Variants in ATG7 observed in about 807,000 individuals in gnomAD.
ATG7 encodes ubiquitin-like modifier-activating enzyme ATG7.
ATG7 carries 70 observed loss-of-function variants against 82.4 expected under a neutral mutation model. The observed-to-expected ratio is 0.85, with a 90% CI of 0.70 to 1.04. ATG7 has a LOEUF of 1.04. Ranked by LOEUF, ATG7 falls within the 50% of genes least tolerant of loss-of-function variation. ATG7 has a pLI of 0.00. For synonymous variants in ATG7, 287 were observed against 313.0 expected, an observed-to-expected ratio of 0.92 and a Z score of 0.88; for missense variants, 792 against 864.3, an observed-to-expected ratio of 0.92 and a Z score of 1.05.
chr3:11,475,624 C>G (rs1053483109), intron 20 of ATG7, among the ~76,000 whole-genome samples: 1 of 152,126 alleles, frequency 6.6e-6, no homozygotes, highest in African/African-American at 2.4e-5. Context: ...AGCAGGTGAT[C>G]AGGTAGACCT....
At chr3:11,462,735 C>A (rs1025238024) in intron 20 of ATG7, among the ~76,000 whole-genome samples, 27 of 151,834 alleles carry the variant, frequency 1.8e-4, no homozygotes, top group Admixed American at 7.9e-4. Context: ...CCTCTCGCCA[C>A]CCCCCCAGGG....
At chr3:11,527,059 GTGTGTGTGTGTGTATATA>G (rs1180820806) in intron 20 of ATG7, among the ~76,000 whole-genome samples, 6 of 106,648 alleles carry the variant, frequency 5.6e-5, no homozygotes, top group South Asian at 3.1e-4. Flanking sequence ...GTGTGTGTGT[GTGTGTGTGTGTGTATATA>G]TATATATATA....
chr3:11,469,010 C>T (rs938186564), intron 20 of ATG7, among the ~76,000 whole-genome samples: 11 of 152,206 alleles, frequency 7.2e-5, no homozygotes, highest in African/African-American at 2.7e-4. Context: ...CATGATGGCT[C>T]TCTCATCTCT....
At chr3:11,471,745 C>CTTTTTTTTT (rs200590021) in intron 20 of ATG7, among the ~76,000 whole-genome samples, 32 of 105,686 alleles carry the variant, frequency 3.0e-4, no homozygotes, top group African/African-American at 3.8e-4. Flanking sequence ...TTTTAGATTT[C>CTTTTTTTTT]TTTTTTTTTT....
At chr3:11,443,452 C>A (rs1260983362) in intron 20 of ATG7, among the ~76,000 whole-genome samples, 2 of 152,176 alleles carry the variant, frequency 1.3e-5, no homozygotes, top group African/African-American at 4.8e-5. Flanking sequence ...GTGGCACAAT[C>A]TTGGCTCACT....
intron 18 of ATG7, among the ~76,000 whole-genome samples, chr3:11,377,058 A>G (rs969908460): frequency 1.3e-5 from 2 of 152,138 alleles, no homozygotes; most frequent in Non-Finnish European, 2.9e-5. Context: ...GCCTTTTGTC[A>G]GCTATAGGGA....
At chr3:11,514,048 G>GT (rs2092180558) in intron 20 of ATG7, among the ~76,000 whole-genome samples, 5 of 151,940 alleles carry the variant, frequency 3.3e-5, no homozygotes, top group Middle Eastern at 3.4e-3. Context: ...TTTTTTTTTG[G>GT]TTTTTTAGTA....
chr3:11,360,217 T>G (rs1453096752), intron 15 of ATG7, among the ~76,000 whole-genome samples: 1 of 152,206 alleles, frequency 6.6e-6, no homozygotes. Flanking sequence ...GGCTAATTTT[T>G]TGTATTTTTA....
intron 20 of ATG7, among the ~76,000 whole-genome samples, chr3:11,497,393 T>TATATATATC (rs1553698223): frequency 2.1e-5 from 1 of 47,410 alleles, no homozygotes; most frequent in Non-Finnish European, 4.2e-5. Flanking sequence ...ATATATATAT[T>TATATATATC]TAGCCAGGCA....
chr3:11,471,088 G>T (rs562769191), intron 20 of ATG7, among the ~76,000 whole-genome samples: 4 of 152,160 alleles, frequency 2.6e-5, no homozygotes, highest in Admixed American at 2.6e-4. Context: ...CTTAGTCTCT[G>T]TCCCCTCCAG....
intron 20 of ATG7, chr3:11,488,345 C>CT (rs2089966396): frequency 1.7e-6 from 1 of 583,820 alleles, no homozygotes; most frequent in Admixed American, 4.7e-5. Context: ...CCTCCAGCCG[C>CT]TGCCTCCCGG....
chr3:11,447,394 G>A (rs2084669755), intron 20 of ATG7, among the ~76,000 whole-genome samples: 1 of 150,792 alleles, frequency 6.6e-6, no homozygotes, highest in South Asian at 2.1e-4. Flanking sequence ...TTGAACCTGG[G>A]AGGTGGAGGT....
At chr3:11,451,519 A>T (rs1253439338) in intron 20 of ATG7, among the ~76,000 whole-genome samples, 1 of 152,148 alleles carries the variant, frequency 6.6e-6, no homozygotes, top group East Asian at 1.9e-4. Flanking sequence ...GAGACAGGGC[A>T]CTGGATGGTG....
At chr3:11,411,042 A>G (rs1050158661) in intron 19 of ATG7, among the ~76,000 whole-genome samples, 3 of 152,154 alleles carry the variant, frequency 2.0e-5, no homozygotes, top group African/African-American at 7.2e-5. Context: ...TGGCTGCAGC[A>G]TGTTACATTC....
intron 3 of ATG7, among the ~76,000 whole-genome samples, chr3:11,291,553 A>G (rs1165643758): frequency 6.6e-6 from 1 of 152,200 alleles, no homozygotes; most frequent in East Asian, 1.9e-4. Flanking sequence ...AGTAGGCATA[A>G]TCTTACCACT....
At chr3:11,405,910 A>C (rs2080284474) in intron 19 of ATG7, among the ~76,000 whole-genome samples, 1 of 152,032 alleles carries the variant, frequency 6.6e-6, no homozygotes, top group South Asian at 2.1e-4. Flanking sequence ...TGATGCCTGT[A>C]ATCCCACTGC....
chr3:11,453,039 G>C (rs1438769057), intron 20 of ATG7, among the ~76,000 whole-genome samples: 2 of 152,218 alleles, frequency 1.3e-5, no homozygotes, highest in Non-Finnish European at 2.9e-5. Context: ...ATTGGAAGCA[G>C]ACAGTCCTTC....
chr3:11,404,163 T>C (rs1276739848), intron 19 of ATG7, among the ~76,000 whole-genome samples: 1 of 143,510 alleles, frequency 7.0e-6, no homozygotes, highest in Non-Finnish European at 1.5e-5. Context: ...GGTAGAGTCT[T>C]GCTCTGTCGC....
At chr3:11,292,257 T>TC (rs535971250) in intron 3 of ATG7, among the ~76,000 whole-genome samples, 13 of 149,150 alleles carry the variant, frequency 8.7e-5, no homozygotes, top group Admixed American at 4.0e-4. Context: ...TTTCTTTCTT[T>TC]TTTTTTTTTT....
Sources: gnomAD v4.1 joint callset for allele counts (sites outside exome capture counted in the v4.1 genomes callset) on GRCh38, gnomAD v4.1.1 for gene constraint, MANE v1.5 for transcripts, NCBI Gene and HGNC (gene_info 2026-07-23, HGNC 2026-07-21) for gene names.